Variants in MYO18B observed in about 807,000 individuals in gnomAD.
The protein encoded by MYO18B is myosin XVIIIB.
In MYO18B, 204 loss-of-function variants were observed where a neutral mutation model predicts 273.0. The ratio of observed to expected loss-of-function variants is 0.75; its 90% CI spans 0.67 to 0.84. The LOEUF (loss-of-function observed/expected upper bound fraction) is 0.84. Ranked by LOEUF, MYO18B falls within the 40% of genes least tolerant of loss-of-function variation. MYO18B has a pLI of 0.00. For missense variants in MYO18B, 3,212 were observed against 3,287.6 expected, an observed-to-expected ratio of 0.98 and a Z score of 0.56; for synonymous variants, 1,330 against 1,305.7, an observed-to-expected ratio of 1.02 and a Z score of -0.40.
intron 21 of MYO18B, among the ~76,000 whole-genome samples, chr22:25,860,034 T>C (rs1331374697): frequency 6.6e-6 from 1 of 152,242 alleles, no homozygotes; most frequent in Admixed American, 6.5e-5. Flanking sequence ...CATGCCTATA[T>C]TCATCTTTCT....
chr22:25,793,487 C>A (rs1311505498), intron 11 of MYO18B, among the ~76,000 whole-genome samples: 1 of 152,174 alleles, frequency 6.6e-6, no homozygotes, highest in African/African-American at 2.4e-5. Context: ...GATCCTTCCA[C>A]CCTGGCCTCT....
chr22:25,852,479 G>C (rs181655087), intron 21 of MYO18B, among the ~76,000 whole-genome samples: 1 of 152,120 alleles, frequency 6.6e-6, no homozygotes, highest in Non-Finnish European at 1.5e-5. Context: ...CAACTACACC[G>C]TAAACTCATG....
Position 25,772,379 on chromosome 22 carries a change from A to G in MYO18B, c.1738A>G (p.Ile580Val), listed in dbSNP as rs756006630. The G allele has an allele frequency of 2.5e-6, 4 of 1,614,000 alleles. No homozygotes were observed. In the South Asian group the frequency reaches 4.4e-5, roughly 18 times the overall value. The change falls in exon 7 of 44, where the codon ATC (isoleucine) becomes GTC (valine). Residue 580 changes from isoleucine (I) to valine (V), a missense_variant. Coordinates refer to ENST00000335473, the MANE Select transcript of MYO18B (RefSeq NM_032608.7). Reference sequence around the variant, plus strand: ...CCAGGTCGAGGACCTGGCCTCTCTCATCAGTGTCAACGAATCCAGTGTCCT... The same window carrying G: ...CCAGGTCGAGGACCTGGCCTCTCTCGTCAGTGTCAACGAATCCAGTGTCCT... The part of the protein sequence containing the change: ...LDQVEDLASL[I>V]SVNESSVLNT...
chr22:26,062,321 T>C, the MYO18B span, among the ~76,000 whole-genome samples: 1 of 152,182 alleles, frequency 6.6e-6, no homozygotes, highest in African/African-American at 2.4e-5. Context: ...CCAGAGTCCT[T>C]AGGGAGACTT....
intron 11 of MYO18B, among the ~76,000 whole-genome samples, chr22:25,796,050 A>G (rs2087893687): frequency 6.6e-6 from 1 of 152,224 alleles, no homozygotes; most frequent in Non-Finnish European, 1.5e-5. Flanking sequence ...AAGCAGGCCA[A>G]GTGCAAATCA....
At chr22:25,947,670 C>T in intron 35 of MYO18B, 42 bp from the exon 36 acceptor site, 2 of 1,512,920 alleles carry the variant, frequency 1.3e-6, no homozygotes, top group Non-Finnish European at 1.8e-6. Flanking sequence ...GCCCATCCCT[C>T]ACCCTCTCAC....
chr22:25,826,393 C>A lies in MYO18B; in HGVS notation c.2696-16C>A. 1 of 1,604,326 alleles carries A rather than the reference C, an allele frequency of 6.2e-7. No homozygotes were observed. The highest frequency in any genetic ancestry group is 1.7e-5 in the Admixed American group (1 of 58,740). On this transcript the variant is annotated splice_polypyrimidine_tract_variant and intron_variant, in intron 13 of 43. Coordinates refer to ENST00000335473, the MANE Select transcript of MYO18B (RefSeq NM_032608.7). ...AGATCCCTAACCAAGAATGCTGATT[C>A]TGTCCTCTTTCCCAGGGCTCAAGAT...
chr22:25,926,078 G>A (rs2092416952), intron 34 of MYO18B, among the ~76,000 whole-genome samples: 1 of 151,568 alleles, frequency 6.6e-6, no homozygotes, highest in Non-Finnish European at 1.5e-5. Flanking sequence ...AGTGACAGGA[G>A]CCTGTAGTTC....
At chr22:25,873,165 C>T (rs572010318) in intron 22 of MYO18B, among the ~76,000 whole-genome samples, 4 of 152,320 alleles carry the variant, frequency 2.6e-5, no homozygotes, top group African/African-American at 9.6e-5. Context: ...ACAGTCAGTC[C>T]TGGGGTCCTA....
chr22:25,913,978 AT>A (rs1569184250), intron 33 of MYO18B, among the ~76,000 whole-genome samples: 1 of 152,196 alleles, frequency 6.6e-6, no homozygotes, highest in East Asian at 1.9e-4. Flanking sequence ...TGCTTTTGAC[AT>A]TTTTAGGTCT....
Position 25,846,155 on chromosome 22 carries a change from GCTGTGGC to G in MYO18B, c.3425_3431del (p.Ala1142GlufsTer17). The G allele has an allele frequency of 6.2e-7, 1 of 1,608,912 alleles. No homozygotes were observed. The highest frequency in any genetic ancestry group is 8.5e-7 in the Non-Finnish European group (1 of 1,178,478). ...GGCCAAGCTGCCTCCTGTGTGCCGG[GCTGTGGC>G]AGGCCTGGAGGGCACCTCCCAGCAG... On this transcript the variant is annotated frameshift_variant, in exon 19 of 44. Coordinates refer to ENST00000335473, the MANE Select transcript of MYO18B (RefSeq NM_032608.7). LOFTEE classifies it high-confidence loss of function.
chr22:25,911,553 C>T (rs891367402), intron 33 of MYO18B, among the ~76,000 whole-genome samples: 6 of 152,130 alleles, frequency 3.9e-5, no homozygotes, highest in East Asian at 1.9e-4. Context: ...CCAGGGTTCT[C>T]GACTGTCCAT....
chr22:25,926,562 T>A (rs13055816), intron 34 of MYO18B, among the ~76,000 whole-genome samples: 1 of 152,180 alleles, frequency 6.6e-6, no homozygotes, highest in Non-Finnish European at 1.5e-5. Context: ...CCCAAAGTGC[T>A]GGGATTACAG....
chr22:25,790,152 C>CA (rs762960166), intron 11 of MYO18B, among the ~76,000 whole-genome samples: 3 of 8,764 alleles, frequency 3.4e-4, no homozygotes, highest in Non-Finnish European at 1.4e-3. Flanking sequence ...GACTCCGTCT[C>CA]AAAAAAAAAC....
At chr22:25,882,324 C>G (rs565968901) in intron 25 of MYO18B, among the ~76,000 whole-genome samples, 2 of 148,106 alleles carry the variant, frequency 1.4e-5, no homozygotes, top group Non-Finnish European at 3.0e-5. Context: ...AAGAGGGAAA[C>G]AAGCTATTTC....
chr22:25,848,081 C>G (rs1486634205), intron 20 of MYO18B, among the ~76,000 whole-genome samples: 1 of 152,134 alleles, frequency 6.6e-6, no homozygotes, highest in African/African-American at 2.4e-5. Flanking sequence ...CTAGAATTGC[C>G]TGTACACTCC....
chr22:25,882,405 T>C (rs573168806), intron 25 of MYO18B, among the ~76,000 whole-genome samples: 3 of 152,082 alleles, frequency 2.0e-5, no homozygotes, highest in Admixed American at 6.5e-5. Flanking sequence ...GTAACTTTTC[T>C]GGCTATTGAG....
In MYO18B at chr22:25,781,962, G is replaced by A. The variant is rs565403097; in HGVS notation, c.2312+128G>A. 4.3e-4 allele frequency: 260 copies of A among 605,222 alleles called. 2 individuals carry two copies. The Middle Eastern group carries it at 4.6e-3, about 11-fold the overall frequency. 37.5% of individuals were successfully genotyped at this position (605,222 alleles called of 1,614,324 possible). A position where few individuals can be genotyped will look rare whatever the true frequency, so the allele number is the denominator to read the frequency against. On this transcript the variant is annotated intron_variant, in intron 10 of 43. Coordinates refer to ENST00000335473, the MANE Select transcript of MYO18B (RefSeq NM_032608.7). Reference sequence around the variant, plus strand: ...GGGACCCAGGGATTAGGAACATGGCGTCCGATTCCAGCTGTCTGGGTACAC... The same window carrying A: ...GGGACCCAGGGATTAGGAACATGGCATCCGATTCCAGCTGTCTGGGTACAC...
At chr22:26,063,474 A>G in the MYO18B span, among the ~76,000 whole-genome samples, 1 of 152,230 alleles carries the variant, frequency 6.6e-6, no homozygotes, top group Non-Finnish European at 1.5e-5. Context: ...CAGGTGGCCA[A>G]GAATACAAAA....
Sources: gnomAD v4.1 joint callset for allele counts (sites outside exome capture counted in the v4.1 genomes callset) on GRCh38, gnomAD v4.1.1 for gene constraint, MANE v1.5 for transcripts, NCBI Gene and HGNC (gene_info 2026-07-23, HGNC 2026-07-21) for gene names.